MOK: variants seen among roughly 807,000 people sequenced by gnomAD.
MOK encodes the protein MAPK/MAK/MRK overlapping kinase.
Under a neutral mutation model 54.2 loss-of-function variants are expected in MOK, and 59 were observed. The observed-to-expected ratio is 1.09, with a 90% CI of 0.88 to 1.35. The LOEUF is 1.35. Among genes scored for constraint, MOK ranks in the 40% most tolerant of loss-of-function variants. The pLI is 0.00. For synonymous variants in MOK, 210 were observed against 202.7 expected (o/e 1.04, Z -0.31); for missense variants, 517 against 526.2 (o/e 0.98, Z 0.17).
chr14:102,261,640 TCTC>T (rs1318107925), intron 4 of MOK, among the ~76,000 whole-genome samples: 1 of 147,092 alleles, frequency 6.8e-6, no homozygotes, highest in Non-Finnish European at 1.5e-5. Flanking sequence ...TTCAAGCGAT[TCTC>T]CTGCCTCAGC....
Position 102,232,837 on chromosome 14 carries a change from C to T in MOK, c.693-129G>A, listed in dbSNP as rs2064857021. Reference sequence around the variant, plus strand: ...ACTGCAGAGTCTACACCTGTCCCAGCCCACAGAACGTGCACCACCAAGAGG... The same window carrying T: ...ACTGCAGAGTCTACACCTGTCCCAGTCCACAGAACGTGCACCACCAAGAGG... On this transcript the variant is annotated intron_variant, in intron 8 of 11. Transcript: ENST00000361847. The surrounding 1 kb of genome is among the most constrained non-coding windows in gnomAD (Gnocchi z 5.1). 1.9e-5 allele frequency: 14 copies of T among 752,914 alleles called. No individual in the cohort carries two copies. Among genetic ancestry groups the T allele is most frequent in the Middle Eastern group, 4.8e-4 (2 of 4,132 alleles). The allele number at this position is 752,914 out of a possible 1,614,324, so 46.6% of individuals were successfully genotyped here.
At chr14:102,255,528 CCG>C (rs2066880868) in intron 4 of MOK, among the ~76,000 whole-genome samples, 1 of 151,746 alleles carries the variant, frequency 6.6e-6, no homozygotes, top group African/African-American at 2.4e-5. Context: ...GGGTAGGGAG[CCG>C]TCCTGGTCCC....
At chr14:102,251,725 T>G in intron 6 of MOK, 31 bp downstream of exon 6, 1 of 1,525,640 alleles carries the variant, frequency 6.6e-7, no homozygotes, top group East Asian at 2.3e-5. Flanking sequence ...GCTTTTATTC[T>G]GATACCCAGC....
At chr14:102,271,963 T>C (rs1344514745) in intron 2 of MOK, among the ~76,000 whole-genome samples, 2 of 152,132 alleles carry the variant, frequency 1.3e-5, no homozygotes, top group Admixed American at 1.3e-4. Context: ...ACTGCAGCCT[T>C]GACCTCCTGA....
chr14:102,277,013 CTTTTTT>C (rs550427492), intron 2 of MOK, among the ~76,000 whole-genome samples: 1 of 99,958 alleles, frequency 1.0e-5, no homozygotes, highest in Non-Finnish European at 2.1e-5. Flanking sequence ...ATGCCCTGGT[CTTTTTT>C]TTTTTTTTTT....
intron 4 of MOK, among the ~76,000 whole-genome samples, chr14:102,252,862 G>A (rs577520405): frequency 1.2e-4 from 18 of 152,304 alleles, no homozygotes; most frequent in African/African-American, 4.1e-4. Flanking sequence ...GCTATTTCAC[G>A]GTTACGCTAA....
intron 7 of MOK, among the ~76,000 whole-genome samples, chr14:102,243,359 G>A (rs968140161): frequency 6.6e-6 from 1 of 152,068 alleles, no homozygotes; most frequent in African/African-American, 2.4e-5. Context: ...ATTACACAGA[G>A]CCAAAGTGCA....
chr14:102,227,919 C>T (rs1298062401), downstream of MOK, among the ~76,000 whole-genome samples: 11 of 152,250 alleles, frequency 7.2e-5, no homozygotes, highest in Non-Finnish European at 7.3e-5. Context: ...TTAAACACTA[C>T]TAGCCTGGGA....
At chr14:102,216,003 C>T in the MOK span, among the ~76,000 whole-genome samples, 1 of 152,192 alleles carries the variant, frequency 6.6e-6, no homozygotes, top group African/African-American at 2.4e-5. Context: ...TTAATTGTCA[C>T]TTCCCTGCTG....
intron 7 of MOK, among the ~76,000 whole-genome samples, chr14:102,248,381 G>C (rs2066259402): frequency 6.7e-6 from 1 of 149,724 alleles, no homozygotes; most frequent in Non-Finnish European, 1.5e-5. Context: ...GAGGTCGTGG[G>C]AAGCATAAAC....
Position 102,251,964 on chromosome 14 carries a change from A to C in MOK, c.315T>G (p.Ile105Met), listed in dbSNP as rs1481923340. Residue 105 changes from isoleucine (I) to methionine (M), a missense_variant, in exon 5 of 12, where the codon ATT (isoleucine) becomes ATG (methionine). By Grantham distance (10) the Ile-to-Met change is conservative (BLOSUM62 1). Coordinates refer to ENST00000361847, the MANE Select transcript of MOK (RefSeq NM_014226.3). ...TACATAACTGGTACATATAGTGCAT[A>C]ATTTTTTTTTCTGATAATGGGTATC... is the stretch of plus-strand genomic sequence containing the variant. Reference protein sequence around the residue: ...GRRYPLSEKKIMHYMYQLCKS... With the variant: ...GRRYPLSEKKMMHYMYQLCKS... 6.2e-7 allele frequency: 1 copy of C among 1,606,276 alleles called. No individual in the cohort carries two copies. Among genetic ancestry groups the C allele is most frequent in the African/African-American group, 1.3e-5 (1 of 74,700 alleles).
intron 4 of MOK, among the ~76,000 whole-genome samples, chr14:102,255,189 G>A (rs1465118325): frequency 6.6e-5 from 10 of 152,054 alleles, no homozygotes; most frequent in Admixed American, 6.6e-4. Context: ...GTGGCGGCAG[G>A]CGCCTTCAAT....
intron 2 of MOK, among the ~76,000 whole-genome samples, chr14:102,267,649 G>A (rs1036902714): frequency 6.6e-6 from 1 of 152,188 alleles, no homozygotes; most frequent in Non-Finnish European, 1.5e-5. Flanking sequence ...TTTAAGAAGA[G>A]CCTGAAAACA....
At chr14:102,279,506 A>C (rs2153164891) in intron 2 of MOK, among the ~76,000 whole-genome samples, 2 of 152,160 alleles carry the variant, frequency 1.3e-5, no homozygotes, top group Middle Eastern at 3.4e-3. Context: ...GGGTTTTGCC[A>C]TGTTGCCCAG....
At position 102,264,130 on chromosome 14, in the gene MOK, A is replaced by G. The variant is rs184061631; in HGVS notation, c.213-514T>C. 530 of 152,810 alleles carry G rather than the reference A, an allele frequency of 3.5e-3. 3 individuals carry two copies. Among genetic ancestry groups the G allele is most frequent in the African/African-American group, 0.012 (493 of 41,054 alleles). 9.5% of individuals were successfully genotyped at this position (152,810 alleles called of 1,614,324 possible). On this transcript the variant is annotated intron_variant, in intron 3 of 11. Transcript: ENST00000361847. Reference sequence around the variant, plus strand: ...GGAGGCTGAAGGAGGAGAATAGCTTAAACCCGGGAGGCGGAGGTTGCAGTG... The same window carrying G: ...GGAGGCTGAAGGAGGAGAATAGCTTGAACCCGGGAGGCGGAGGTTGCAGTG...
Position 102,230,448 on chromosome 14 carries a change from T to C in MOK, c.982-791A>G, listed in dbSNP as rs1223368749. 6.6e-6 allele frequency: 1 copy of C among 152,258 alleles called. No homozygotes were observed. Among genetic ancestry groups the C allele is most frequent in the Non-Finnish European group, 1.5e-5 (1 of 68,058 alleles). The allele number at this position is 152,258 out of a possible 1,614,324, so 9.4% of individuals were successfully genotyped here. On this transcript the variant is annotated intron_variant, in intron 10 of 11. Coordinates refer to ENST00000361847, the MANE Select transcript of MOK (RefSeq NM_014226.3). This position sits in a 1 kb window ranked among gnomAD's most constrained non-coding sequence, Gnocchi z 4.1. ...CAGTTCTACTGGAACGCAGCCCCTA[T>C]GTGGTTCATGTGTTGCCTCCAGCTC...
In MOK at chr14:102,236,875, G is replaced by A. The variant is rs1197154514; in HGVS notation, c.591-3086C>T. The stretch of plus-strand genomic sequence containing the variant: ...CTTCATATAACACCACCATCCTCCT[G>A]GTTAAAAAATCAGACGGCTCATACC... On this transcript the variant is annotated intron_variant, in intron 7 of 11. Coordinates refer to ENST00000361847, the MANE Select transcript of MOK (RefSeq NM_014226.3). This position sits in a 1 kb window ranked among gnomAD's most constrained non-coding sequence, Gnocchi z 4.5. 6.6e-6 allele frequency among the ~76,000 whole-genome samples: 1 copy of A among 152,034 alleles called. No homozygotes were observed. The highest frequency in any genetic ancestry group is 1.5e-5 in the Non-Finnish European group (1 of 67,996).
At chr14:102,301,265 T>C (rs368165207) in intron 1 of MOK, among the ~76,000 whole-genome samples, 1 of 152,128 alleles carries the variant, frequency 6.6e-6, no homozygotes, top group African/African-American at 2.4e-5. Flanking sequence ...TACGCAGCAA[T>C]AGATAACCGG....
chr14:102,261,192 G>C (rs1009941019), intron 4 of MOK, among the ~76,000 whole-genome samples: 1 of 148,236 alleles, frequency 6.7e-6, no homozygotes, highest in African/African-American at 2.5e-5. Flanking sequence ...GGGAGGCAGA[G>C]GTTGCAGTGA....
Sources: allele counts gnomAD v4.1 joint callset (sites outside exome capture counted in the v4.1 genomes callset), GRCh38; gene constraint gnomAD v4.1.1; non-coding constraint Gnocchi (gnomAD v3.1); transcripts MANE v1.5; gene names NCBI Gene and HGNC (gene_info 2026-07-23, HGNC 2026-07-21).